GRM3: variants seen among roughly 807,000 people sequenced by gnomAD.
GRM3 encodes the protein glutamate metabotropic receptor 3, also known as metabotropic glutamate receptor 3.
A neutral mutation model predicts 70.5 loss-of-function variants in GRM3; 26 were observed. The ratio of observed to expected loss-of-function variants is 0.37; its 90% CI spans 0.27 to 0.51. The LOEUF is 0.51. Ranked by LOEUF, GRM3 falls within the 20% of genes least tolerant of loss-of-function variation. The probability of loss-of-function intolerance (pLI) is 0.93; values close to 1 mark genes in which losing one functional copy is unlikely to be tolerated. For synonymous variants in GRM3, 443 were observed against 434.9 expected (o/e 1.02, Z -0.23); for missense variants, 859 against 1,123.8 (o/e 0.76, Z 3.37).
In GRM3 at chr7:86,665,385, C is replaced by T. The variant is rs191090064; in HGVS notation, c.-141+20513C>T. Among the ~76,000 whole-genome samples, 635 of 151,986 alleles carry T rather than the reference C, an allele frequency of 4.2e-3. 5 individuals carry two copies. The highest frequency in any genetic ancestry group is 0.015 in the African/African-American group (604 of 41,478). On this transcript the variant is annotated intron_variant, in intron 1 of 5. Transcript: ENST00000361669. The stretch of plus-strand genomic sequence containing the variant: ...TTTGTAATATGAACTATAGAAGTAC[C>T]GACTAGGCTCTGGCACTTGATAGGT...
chr7:86,848,551 G>C (rs572263816), intron 4 of GRM3, among the ~76,000 whole-genome samples: 3 of 152,090 alleles, frequency 2.0e-5, no homozygotes, highest in Admixed American at 1.3e-4. Flanking sequence ...AGTTGACTGG[G>C]AGATCTCTAT....
At chr7:86,734,964 G>A (rs185138127) in intron 1 of GRM3, among the ~76,000 whole-genome samples, 2 of 152,100 alleles carry the variant, frequency 1.3e-5, no homozygotes, top group African/African-American at 4.8e-5. Context: ...ATGTGTGAAG[G>A]CTTATTATTA....
chr7:86,738,911 C>T (rs946027304), intron 1 of GRM3, among the ~76,000 whole-genome samples: 3 of 152,166 alleles, frequency 2.0e-5, no homozygotes, highest in Admixed American at 6.5e-5. Context: ...TTAAAGTCTA[C>T]TTTGTTCGCA....
At chr7:86,647,883 A>T (rs1389886109) in intron 1 of GRM3, among the ~76,000 whole-genome samples, 1 of 152,168 alleles carries the variant, frequency 6.6e-6, no homozygotes, top group Non-Finnish European at 1.5e-5. Context: ...GGATCACGTA[A>T]TGACTTCTTC....
intron 3 of GRM3, among the ~76,000 whole-genome samples, chr7:86,806,817 G>T (rs1364920671): frequency 6.6e-6 from 1 of 151,872 alleles, no homozygotes; most frequent in Non-Finnish European, 1.5e-5. Flanking sequence ...TGAAGTCCTT[G>T]CCCATGCCTA....
chr7:86,746,798 C>T (rs980638434), intron 1 of GRM3, among the ~76,000 whole-genome samples: 1 of 152,028 alleles, frequency 6.6e-6, no homozygotes, highest in Non-Finnish European at 1.5e-5. Context: ...CATTTGGAAT[C>T]AGCTTTTTTG....
chr7:86,692,647 C>G (rs1012486535), intron 1 of GRM3, among the ~76,000 whole-genome samples: 2 of 152,122 alleles, frequency 1.3e-5, no homozygotes, highest in Admixed American at 6.5e-5. Flanking sequence ...TTATTGACCT[C>G]TTTTATTAGA....
chr7:86,644,625 A>C lies in GRM3; in HGVS notation c.-388A>C. ...ATGCCTGGATGTTCTGCCACCGGGCAGTGGTCCAGCGTGCAGCCGGGAGGG... is the reference window on the plus strand; with the variant it reads ...ATGCCTGGATGTTCTGCCACCGGGCCGTGGTCCAGCGTGCAGCCGGGAGGG... On this transcript the variant is annotated 5_prime_UTR_variant, in exon 1 of 6. Transcript: ENST00000361669. 1 of 451,200 alleles carries C rather than the reference A, an allele frequency of 2.2e-6. No individual in the cohort carries two copies. Among genetic ancestry groups the C allele is most frequent in the Non-Finnish European group, 4.4e-6 (1 of 229,122 alleles). 27.9% of individuals were successfully genotyped at this position (451,200 alleles called of 1,614,324 possible). A position where few individuals can be genotyped will look rare whatever the true frequency, so the allele number is the denominator to read the frequency against.
At chr7:86,728,488 T>G (rs985900057) in intron 1 of GRM3, among the ~76,000 whole-genome samples, 3 of 152,194 alleles carry the variant, frequency 2.0e-5, no homozygotes, top group African/African-American at 7.2e-5. Context: ...CCTCATCCCT[T>G]CCTTCTCCAG....
Position 86,845,737 on chromosome 7 carries a change from T to C in GRM3, c.2392-4633T>C, listed in dbSNP as rs140231799. ...GCTCCTTGCCAATAAATAAGACACA[T>C]TTGTTTTCAGTTTTAAGCACTCAGC... is the stretch of plus-strand genomic sequence containing the variant. On this transcript the variant is annotated intron_variant, in intron 4 of 5. Transcript: ENST00000361669. 3.0e-3 allele frequency among the ~76,000 whole-genome samples: 452 copies of C among 152,218 alleles called. 2 individuals carry two copies. The highest frequency in any genetic ancestry group is 0.011 in the African/African-American group (439 of 41,544).
In GRM3 at chr7:86,786,808, G is replaced by T; in HGVS notation, c.1016G>T (p.Ser339Ile). 6.2e-7 allele frequency: 1 copy of T among 1,614,188 alleles called. No homozygotes were observed. The highest frequency in any genetic ancestry group is 1.6e-4 in the Middle Eastern group (1 of 6,062). The change falls in exon 3 of 6, where the codon AGC becomes ATC. Residue 339 changes from serine to isoleucine, a missense_variant. Physicochemically the swap from Ser to Ile is moderately radical, Grantham distance 142 (BLOSUM62 -2). Transcript: ENST00000361669. The surrounding 1 kb of genome is among the most constrained non-coding windows in gnomAD (Gnocchi z 6.0). ...PVRQFDRYFQ[S>I]LNPYNNHRNP... ...CGCCAGTTCGACCGCTACTTCCAGA[G>T]CCTCAACCCCTACAACAACCACCGC...
At chr7:86,706,356 A>T (rs1301268506) in intron 1 of GRM3, among the ~76,000 whole-genome samples, 1 of 152,082 alleles carries the variant, frequency 6.6e-6, no homozygotes, top group East Asian at 1.9e-4. Flanking sequence ...AAAGATGCTA[A>T]ATTCAGCAGA....
chr7:86,807,443 G>C (rs573522542), intron 3 of GRM3, among the ~76,000 whole-genome samples: 3 of 149,312 alleles, frequency 2.0e-5, no homozygotes, highest in African/African-American at 2.5e-5. Context: ...TGTAGTTCTC[G>C]TTGAAGAGGT....
At chr7:86,654,192 G>C (rs547149120) in intron 1 of GRM3, among the ~76,000 whole-genome samples, 1 of 152,268 alleles carries the variant, frequency 6.6e-6, no homozygotes, top group Non-Finnish European at 1.5e-5. Context: ...AGCAGGGAGG[G>C]GGAGGCTCAG....
At chr7:86,850,595 G>A in intron 5 of GRM3, 51 bp downstream of exon 5, 2 of 1,249,226 alleles carry the variant, frequency 1.6e-6, no homozygotes, top group South Asian at 2.4e-5. Flanking sequence ...TTGTAGTCAG[G>A]ACCAGCCTGC....
At chr7:86,827,999 G>C (rs1394063274) in intron 3 of GRM3, among the ~76,000 whole-genome samples, 2 of 151,348 alleles carry the variant, frequency 1.3e-5, no homozygotes, top group Non-Finnish European at 2.9e-5. Context: ...GTAGTCCCAG[G>C]TACTCGGGAG....
chr7:86,681,593 A>G (rs1045386650), intron 1 of GRM3, among the ~76,000 whole-genome samples: 2 of 152,096 alleles, frequency 1.3e-5, no homozygotes, highest in African/African-American at 4.8e-5. Flanking sequence ...GGGGTGTGGA[A>G]TTCATGCCAA....
chr7:86,813,812 C>T, intron 3 of GRM3, among the ~76,000 whole-genome samples: 1 of 151,564 alleles, frequency 6.6e-6, no homozygotes, highest in East Asian at 1.9e-4. Context: ...AATTTAAGAC[C>T]TCCCAAGAGA....
intron 1 of GRM3, among the ~76,000 whole-genome samples, chr7:86,702,625 T>C (rs569244886): frequency 1.3e-5 from 2 of 152,048 alleles, no homozygotes; most frequent in African/African-American, 2.4e-5. Flanking sequence ...TTTGTCCTTA[T>C]TCTTTACAAA....
Sources: allele counts gnomAD v4.1 joint callset (sites outside exome capture counted in the v4.1 genomes callset), GRCh38; gene constraint gnomAD v4.1.1; non-coding constraint Gnocchi (gnomAD v3.1); transcripts MANE v1.5; gene names NCBI Gene and HGNC (gene_info 2026-07-23, HGNC 2026-07-21).